The following HYDIN variants were observed in gnomAD, a reference collection of about 807,000 sequenced individuals.
HYDIN encodes axonemal central pair apparatus protein HYDIN.
HYDIN carries 132 observed loss-of-function variants against 403.9 expected under a neutral mutation model. The ratio of observed to expected loss-of-function variants is 0.33; its 90% CI spans 0.28 to 0.38. The LOEUF (loss-of-function observed/expected upper bound fraction) is 0.38, where lower values mean the gene tolerates loss of function less well. Among genes scored for constraint, HYDIN ranks in the 10% least tolerant of loss-of-function variants. The pLI is 1.00. For missense variants in HYDIN, 2,827 were observed against 5,009.5 expected (o/e 0.56, Z 13.15); for synonymous variants, 1,202 against 1,891.7 (o/e 0.64, Z 9.46).
intron 84 of HYDIN, among the ~76,000 whole-genome samples, chr16:70,811,830 C>T (rs2035526169): frequency 6.8e-6 from 1 of 148,088 alleles, no homozygotes; most frequent in Middle Eastern, 3.2e-3. Flanking sequence ...GCACTCCAGC[C>T]TGGGCCACAA....
At position 70,933,369 on chromosome 16, in the gene HYDIN, G is replaced by C. The variant is rs575239639; in HGVS notation, c.7158+2583C>G. Among the ~76,000 whole-genome samples the C allele has an allele frequency of 2.7e-5, 4 of 148,036 alleles. No homozygotes were observed. In the East Asian group the frequency reaches 7.9e-4, roughly 29 times the overall value. ...GGCCAGGAAGAGGTCTGGAAGAAAGGCAGCATAGATGATGAGCTTGGTGTG... is the reference window on the plus strand; with the variant it reads ...GGCCAGGAAGAGGTCTGGAAGAAAGCCAGCATAGATGATGAGCTTGGTGTG... On this transcript the variant is annotated intron_variant, in intron 45 of 85. Coordinates refer to ENST00000393567, the MANE Select transcript of HYDIN (RefSeq NM_001270974.2).
In HYDIN at chr16:70,806,614, C is replaced by G. The variant is rs189899562; in HGVS notation, c.*966G>C. ...GACCCACTTCTTTACGGCATTCATT[C>G]CCAAGAGGCCATCTTCTTCCAGTCT... On this transcript the variant is annotated 3_prime_UTR_variant, in exon 86 of 86. Transcript: ENST00000393567. Among the ~76,000 whole-genome samples, 93 of 152,284 alleles carry G rather than the reference C, an allele frequency of 6.1e-4. No homozygotes were observed. Among genetic ancestry groups the G allele is most frequent in the African/African-American group, 2.1e-3 (89 of 41,540 alleles).
intron 10 of HYDIN, chr16:71,113,808 C>G (rs949993045): frequency 1.3e-5 from 2 of 152,124 alleles, no homozygotes; most frequent in African/African-American, 4.8e-5. Context: ...TTCCCAGGAC[C>G]ATCTTGAATT....
chr16:70,984,356 G>A (rs1177576959), intron 28 of HYDIN, among the ~76,000 whole-genome samples: 1 of 145,454 alleles, frequency 6.9e-6, no homozygotes. Context: ...CTGCACTCCA[G>A]TCTAGGTGAC....
chr16:70,922,915 G>A (rs2077039565), intron 45 of HYDIN, among the ~76,000 whole-genome samples: 2 of 148,050 alleles, frequency 1.4e-5, no homozygotes, highest in Non-Finnish European at 3.0e-5. Context: ...CTACAGGCAT[G>A]TGCCACCATG....
intron 7 of HYDIN, among the ~76,000 whole-genome samples, chr16:71,139,398 T>C (rs576562936): frequency 1.3e-5 from 2 of 152,106 alleles, no homozygotes; most frequent in African/African-American, 4.8e-5. Context: ...AACCAGCAGG[T>C]ACAAGAAAAA....
At chr16:71,199,524 G>A (rs764518714) in intron 1 of HYDIN, among the ~76,000 whole-genome samples, 1 of 152,042 alleles carries the variant, frequency 6.6e-6, no homozygotes, top group Non-Finnish European at 1.5e-5. Flanking sequence ...TCCAATTTTG[G>A]GGTTCACCTC....
chr16:70,916,508 C>T (rs1312962161), intron 47 of HYDIN, among the ~76,000 whole-genome samples: 1 of 152,120 alleles, frequency 6.6e-6, no homozygotes, highest in Non-Finnish European at 1.5e-5. Flanking sequence ...TCTCCTGGGT[C>T]CTGCAGGAGC....
intron 60 of HYDIN, among the ~76,000 whole-genome samples, chr16:70,880,653 C>T (rs1006716438): frequency 1.3e-5 from 2 of 152,174 alleles, no homozygotes; most frequent in South Asian, 2.1e-4. Context: ...CCTTGTAACT[C>T]CAAGAGCCTT....
intron 8 of HYDIN, 142 bp downstream of exon 8, chr16:71,137,009 T>G (rs1235170167): frequency 3.3e-5 from 20 of 601,234 alleles, no homozygotes; most frequent in Non-Finnish European, 5.3e-5. Flanking sequence ...AAGAGGATCT[T>G]AAACCAGAAC....
intron 23 of HYDIN, among the ~76,000 whole-genome samples, chr16:71,012,331 AG>A: frequency 6.6e-6 from 1 of 152,304 alleles, no homozygotes; most frequent in South Asian, 2.1e-4. Flanking sequence ...CAGATGTGGG[AG>A]GGGGAGAGAC....
rs1285683692 is a variant in HYDIN at position 70,860,869 on chromosome 16, G to A, written c.11810C>T (p.Pro3937Leu). Residue 3937 changes from proline (P) to leucine (L), a missense_variant, in exon 70 of 86, where the codon CCG becomes CTG. Physicochemically the swap from Pro to Leu is moderately conservative, Grantham distance 98 (BLOSUM62 -3). Transcript: ENST00000393567. ...GCTCCGCCCTTTTGCTACCAGGACC[G>A]GACCTTGCTCTCCAGGTGGCAGGTT... is the stretch of plus-strand genomic sequence containing the variant. ...IPNLPPGEQGPVLVAKGRSTL... is the reference protein window; with the variant it reads ...IPNLPPGEQGLVLVAKGRSTL... The A allele has an allele frequency of 4.0e-5, 26 of 653,128 alleles. No individual in the cohort carries two copies. Among genetic ancestry groups the A allele is most frequent in the Middle Eastern group, 4.2e-4 (1 of 2,388 alleles). The allele number at this position is 653,128 out of a possible 1,614,324, so 40.5% of individuals were successfully genotyped here. A position where few individuals can be genotyped will look rare whatever the true frequency, so the allele number is the denominator to read the frequency against.
intron 10 of HYDIN, among the ~76,000 whole-genome samples, chr16:71,103,989 T>A (rs1278053956): frequency 6.6e-6 from 1 of 152,166 alleles, no homozygotes; most frequent in East Asian, 1.9e-4. Context: ...TTGTATACAT[T>A]TTGTCAAATT....
At chr16:71,217,505 G>C (rs1214077387) in intron 1 of HYDIN, among the ~76,000 whole-genome samples, 2 of 152,128 alleles carry the variant, frequency 1.3e-5, no homozygotes, top group South Asian at 2.1e-4. Context: ...AAATCCACGA[G>C]TGGTGACCTC....
chr16:70,981,827 T>C (rs763058461), intron 28 of HYDIN, among the ~76,000 whole-genome samples: 2 of 151,738 alleles, frequency 1.3e-5, no homozygotes, highest in Non-Finnish European at 2.9e-5. Flanking sequence ...TCACTAAAAA[T>C]GTAAAAAGAA....
intron 43 of HYDIN, among the ~76,000 whole-genome samples, chr16:70,939,284 C>T (rs55939818): frequency 3.9e-5 from 6 of 152,210 alleles, no homozygotes; most frequent in Non-Finnish European, 5.9e-5. Context: ...GAGAAAAGTC[C>T]GGAGCAATGA....
At chr16:70,934,864 G>A (rs902624661) in intron 45 of HYDIN, among the ~76,000 whole-genome samples, 1 of 152,130 alleles carries the variant, frequency 6.6e-6, no homozygotes, top group African/African-American at 2.4e-5. Flanking sequence ...ACTTAAAACA[G>A]ATTCCAGATG....
chr16:70,864,123 G>A (rs2039580040), intron 67 of HYDIN, among the ~76,000 whole-genome samples: 1 of 152,026 alleles, frequency 6.6e-6, no homozygotes, highest in African/African-American at 2.4e-5. Flanking sequence ...CTGAGGTCAG[G>A]AGTTCGAGAC....
rs1214338065 is a variant in HYDIN at position 70,806,375 on chromosome 16, G to A, written c.*1205C>T. On this transcript the variant is annotated 3_prime_UTR_variant, in exon 86 of 86. Coordinates refer to ENST00000393567, the MANE Select transcript of HYDIN (RefSeq NM_001270974.2). The stretch of plus-strand genomic sequence containing the variant: ...TAGAAAAAGCTTTTTTGGTCCTAGA[G>A]TATACTGGGCTAGGGTTGTGGGGAG... 2.0e-5 allele frequency among the ~76,000 whole-genome samples: 3 copies of A among 152,128 alleles called. No individual in the cohort carries two copies. The highest frequency in any genetic ancestry group is 4.4e-5 in the Non-Finnish European group (3 of 68,018).
Sources: gnomAD v4.1 joint callset for allele counts (sites outside exome capture counted in the v4.1 genomes callset) on GRCh38, gnomAD v4.1.1 for gene constraint, MANE v1.5 for transcripts, NCBI Gene and HGNC (gene_info 2026-07-23, HGNC 2026-07-21) for gene names.